ATXN10: variants seen among roughly 807,000 people sequenced by gnomAD.
The protein encoded by ATXN10 is ataxin-10.
ATXN10 carries 28 observed loss-of-function variants against 52.9 expected under a neutral mutation model. The ratio of observed to expected loss-of-function variants is 0.53; its 90% CI spans 0.39 to 0.73. The LOEUF (loss-of-function observed/expected upper bound fraction) is 0.73. Among genes scored for constraint, ATXN10 ranks in the 30% least tolerant of loss-of-function variants. The pLI is 0.00. For missense variants in ATXN10, 565 were observed against 577.0 expected (o/e 0.98, Z 0.21); for synonymous variants, 226 against 221.5 (o/e 1.02, Z -0.18).
chr22:45,717,436 C>T (rs1029727895), intron 5 of ATXN10, among the ~76,000 whole-genome samples: 41 of 152,288 alleles, frequency 2.7e-4, no homozygotes, highest in African/African-American at 9.4e-4. Flanking sequence ...GTGTATCCAT[C>T]TGGGATTGCA....
intron 10 of ATXN10, chr22:45,811,616 A>G (rs999827893): frequency 7.0e-6 from 3 of 429,438 alleles, no homozygotes; most frequent in African/African-American, 6.1e-5. Flanking sequence ...CTGGGTGTGT[A>G]GTAGGTTACT....
Position 45,678,503 on chromosome 22 carries a change from A to G in ATXN10, c.116+6324A>G, listed in dbSNP as rs1211359195. On this transcript the variant is annotated intron_variant, in intron 1 of 11. Transcript: ENST00000252934. The surrounding 1 kb of genome is among the most constrained non-coding windows in gnomAD (Gnocchi z 4.1). ...TGTTTGGAGTAGAGGGGATGTGTTT[A>G]AAATGTGAACTCCTCCCTCACTGCT... 1 of 152,206 alleles carries G rather than the reference A, an allele frequency of 6.6e-6. No homozygotes were observed. Among genetic ancestry groups the G allele is most frequent in the Non-Finnish European group, 1.5e-5 (1 of 68,040 alleles). The allele number at this position is 152,206 out of a possible 1,614,324, so 9.4% of individuals were successfully genotyped here. A position where few individuals can be genotyped will look rare whatever the true frequency, so the allele number is the denominator to read the frequency against.
chr22:45,756,438 T>C (rs1926176996), intron 9 of ATXN10, among the ~76,000 whole-genome samples: 1 of 151,544 alleles, frequency 6.6e-6, no homozygotes, highest in African/African-American at 2.4e-5. Context: ...GCCACCACAC[T>C]CGGCCCCAGA....
rs12168774 is a variant in ATXN10 at position 45,751,769 on chromosome 22, T to C, written c.1173+11231T>C. Among the ~76,000 whole-genome samples, 192 of 105,340 alleles carry C rather than the reference T, an allele frequency of 1.8e-3. 3 individuals carry two copies. Among genetic ancestry groups the C allele is most frequent in the African/African-American group, 8.1e-3 (174 of 21,468 alleles). The allele number at this position is 105,340 out of a possible 152,430, so 69.1% of individuals were successfully genotyped here. ...AAAAAAAAAAATAAAAAAAAAATAA[T>C]AATAATAATAATAATAATAAGATGG... On this transcript the variant is annotated intron_variant, in intron 9 of 11. Transcript: ENST00000252934.
At chr22:45,802,798 G>A (rs1248157790) in intron 9 of ATXN10, among the ~76,000 whole-genome samples, 1 of 152,122 alleles carries the variant, frequency 6.6e-6, no homozygotes, top group Admixed American at 6.5e-5. Flanking sequence ...TACCCATTTA[G>A]CATATCTCAA....
chr22:45,841,930 C>G lies in ATXN10; in HGVS notation c.1238-1061C>G, dbSNP rs143455178. Among the ~76,000 whole-genome samples, 206 of 152,348 alleles carry G rather than the reference C, an allele frequency of 1.4e-3. No individual in the cohort carries two copies. Among genetic ancestry groups the G allele is most frequent in the African/African-American group, 4.9e-3 (202 of 41,586 alleles). ...GATACCTTGTGGGGACACTGACTCC[C>G]TGGTTCTGGCATTGGCAGTGCCCGA... is the stretch of plus-strand genomic sequence containing the variant. On this transcript the variant is annotated intron_variant, in intron 10 of 11. Coordinates refer to ENST00000252934, the MANE Select transcript of ATXN10 (RefSeq NM_013236.4). The surrounding 1 kb of genome is among the most constrained non-coding windows in gnomAD (Gnocchi z 5.1).
chr22:45,839,038 G>A (rs964548851), intron 10 of ATXN10, among the ~76,000 whole-genome samples: 3 of 152,188 alleles, frequency 2.0e-5, no homozygotes, highest in Non-Finnish European at 4.4e-5. Context: ...TTCTACCTTC[G>A]TGAAGTCCTC....
rs1190690713 is a variant in ATXN10 at position 45,750,931 on chromosome 22, A to G, written c.1173+10393A>G. 3.6e-5 allele frequency among the ~76,000 whole-genome samples: 4 copies of G among 111,094 alleles called. No individual in the cohort carries two copies. The highest frequency in any genetic ancestry group is 6.1e-5 in the Non-Finnish European group (3 of 49,404). 72.9% of individuals were successfully genotyped at this position (111,094 alleles called of 152,430 possible). A position where few individuals can be genotyped will look rare whatever the true frequency, so the allele number is the denominator to read the frequency against. ...ATTGTAGTAATTCTTTCTTTCTTCT[A>G]CTTTCCTGTTTTTTTTTGAGACAGA... On this transcript the variant is annotated intron_variant, in intron 9 of 11. Coordinates refer to ENST00000252934, the MANE Select transcript of ATXN10 (RefSeq NM_013236.4). This position sits in a 1 kb window ranked among gnomAD's most constrained non-coding sequence, Gnocchi z 4.2.
At chr22:45,779,951 T>C (rs1488412924) in intron 9 of ATXN10, among the ~76,000 whole-genome samples, 1 of 152,262 alleles carries the variant, frequency 6.6e-6, no homozygotes, top group Non-Finnish European at 1.5e-5. Flanking sequence ...TGGAAAAGTA[T>C]ACTCCAATGA....
chr22:45,787,181 G>A lies in ATXN10; in HGVS notation c.1174-19778G>A, dbSNP rs1330363653. ...TTAAGTATAAGTATTTAATATATGTGCATTGAAAAACACAGAGAATTTTCA... is the reference window on the plus strand; with the variant it reads ...TTAAGTATAAGTATTTAATATATGTACATTGAAAAACACAGAGAATTTTCA... On this transcript the variant is annotated intron_variant, in intron 9 of 11. Transcript: ENST00000252934. This position sits in a 1 kb window ranked among gnomAD's most constrained non-coding sequence, Gnocchi z 4.2. 6.6e-6 allele frequency among the ~76,000 whole-genome samples: 1 copy of A among 152,120 alleles called. No homozygotes were observed. Among genetic ancestry groups the A allele is most frequent in the Non-Finnish European group, 1.5e-5 (1 of 68,014 alleles).
intron 9 of ATXN10, among the ~76,000 whole-genome samples, chr22:45,748,725 G>T (rs1250297706): frequency 1.3e-5 from 2 of 152,314 alleles, no homozygotes; most frequent in East Asian, 1.9e-4. Flanking sequence ...AAGATTGAAT[G>T]TATAGGCAAG....
At chr22:45,717,924 A>G (rs879604449) in intron 5 of ATXN10, among the ~76,000 whole-genome samples, 22 of 152,208 alleles carry the variant, frequency 1.4e-4, no homozygotes, top group Non-Finnish European at 2.6e-4. Context: ...TCTTAAGTTT[A>G]GATGAGTGCA....
rs1927345438 is a variant in ATXN10 at position 45,787,061 on chromosome 22, T to C, written c.1174-19898T>C. Among the ~76,000 whole-genome samples, 1 of 152,228 alleles carries C rather than the reference T, an allele frequency of 6.6e-6. No individual in the cohort carries two copies. The highest frequency in any genetic ancestry group is 1.5e-5 in the Non-Finnish European group (1 of 68,042). On this transcript the variant is annotated intron_variant, in intron 9 of 11. Transcript: ENST00000252934. This position sits in a 1 kb window ranked among gnomAD's most constrained non-coding sequence, Gnocchi z 4.2. ...GGTAGGTTATAGTGACTGAATAGAATATACTATTAGAAAATCACATTTTCA... is the reference window on the plus strand; with the variant it reads ...GGTAGGTTATAGTGACTGAATAGAACATACTATTAGAAAATCACATTTTCA...
At chr22:45,807,868 G>A (rs1324327403) in intron 10 of ATXN10, among the ~76,000 whole-genome samples, 1 of 152,150 alleles carries the variant, frequency 6.6e-6, no homozygotes, top group Non-Finnish European at 1.5e-5. Context: ...GCAGTGAGGA[G>A]CCTAGCCTAG....
intron 9 of ATXN10, among the ~76,000 whole-genome samples, chr22:45,796,263 C>A (rs777260604): frequency 1.3e-5 from 2 of 152,186 alleles, no homozygotes; most frequent in African/African-American, 2.4e-5. Flanking sequence ...TCCAGCCTGG[C>A]GAATTCTAGT....
At chr22:45,716,346 A>C (rs35829451) in intron 5 of ATXN10, among the ~76,000 whole-genome samples, 1,705 of 114,354 alleles carry the variant, frequency 0.015, 17 homozygotes, top group Non-Finnish European at 0.022. Context: ...TTTTTTTTGG[A>C]GATAGAGTCT....
At chr22:45,724,691 T>C (rs930756343) in intron 6 of ATXN10, among the ~76,000 whole-genome samples, 1 of 152,162 alleles carries the variant, frequency 6.6e-6, no homozygotes, top group African/African-American at 2.4e-5. Context: ...ATTTATTTAG[T>C]TTTTGTTCCA....
At chr22:45,809,350 C>A (rs1419853104) in intron 10 of ATXN10, among the ~76,000 whole-genome samples, 1 of 151,954 alleles carries the variant, frequency 6.6e-6, no homozygotes, top group Non-Finnish European at 1.5e-5. Flanking sequence ...TTTTTTAATT[C>A]ATGAAAATAA....
rs1601615555 is a variant in ATXN10 at position 45,738,640 on chromosome 22, T to C, written c.895-91T>C. The C allele has an allele frequency of 4.5e-6, 5 of 1,104,044 alleles. No homozygotes were observed. The African/African-American group carries it at 4.7e-5, about 10-fold the overall frequency. 68.4% of individuals were successfully genotyped at this position (1,104,044 alleles called of 1,614,324 possible). On this transcript the variant is annotated intron_variant, in intron 7 of 11. Transcript: ENST00000252934. The stretch of plus-strand genomic sequence containing the variant: ...TACAAGCACAGACTCTTTAAATTTA[T>C]TGAAATATTTTATTCTCTTACAGTT...
Sources: allele counts gnomAD v4.1 joint callset (sites outside exome capture counted in the v4.1 genomes callset), GRCh38; gene constraint gnomAD v4.1.1; non-coding constraint Gnocchi (gnomAD v3.1); transcripts MANE v1.5; gene names NCBI Gene and HGNC (gene_info 2026-07-23, HGNC 2026-07-21).